Variants in ISOC2 observed in about 807,000 individuals in gnomAD.
ISOC2 encodes the protein isochorismatase domain containing 2.
A neutral mutation model predicts 19.3 loss-of-function variants in ISOC2; 15 were observed. The ratio of observed to expected loss-of-function variants is 0.78; its 90% CI spans 0.52 to 1.20. The LOEUF (loss-of-function observed/expected upper bound fraction) is 1.20, where lower values mean the gene tolerates loss of function less well. Ranked by LOEUF, ISOC2 falls within the 50% of genes most tolerant of loss-of-function variation. The pLI is 0.00. For synonymous variants in ISOC2, 106 were observed against 115.8 expected (o/e 0.92, Z 0.54); for missense variants, 285 against 272.4 (o/e 1.05, Z -0.33).
At position 55,455,532 on chromosome 19, in the gene ISOC2, G is replaced by A. The variant is rs559416092; in HGVS notation, c.348+104C>T. ...GAGAGAGGGCCCAGGTCAGGATGGGGGTCCTGCAGGGAAGTGGAGGTTTCT... is the reference window on the plus strand; with the variant it reads ...GAGAGAGGGCCCAGGTCAGGATGGGAGTCCTGCAGGGAAGTGGAGGTTTCT... On this transcript the variant is annotated intron_variant, in intron 3 of 5. Coordinates refer to ENST00000425675, the MANE Select transcript of ISOC2 (RefSeq NM_001136201.2). 4 of 1,121,474 alleles carry A rather than the reference G, an allele frequency of 3.6e-6. No individual in the cohort carries two copies. The South Asian group carries it at 6.2e-5, about 17-fold the overall frequency. The allele number at this position is 1,121,474 out of a possible 1,614,324, so 69.5% of individuals were successfully genotyped here.
intron 4 of ISOC2, 44 bp from the exon 5 acceptor site, chr19:55,455,150 A>C: frequency 6.3e-7 from 1 of 1,588,022 alleles, no homozygotes; most frequent in Non-Finnish European, 8.6e-7. Flanking sequence ...TGGACGCCGC[A>C]GTCTGGACAC....
intron 1 of ISOC2, among the ~76,000 whole-genome samples, chr19:55,457,857 A>C (rs1443492316): frequency 2.6e-5 from 4 of 151,542 alleles, no homozygotes; most frequent in Admixed American, 6.6e-5. Flanking sequence ...AGAGAAAGAA[A>C]GCAGATGATT....
intron 1 of ISOC2, among the ~76,000 whole-genome samples, chr19:55,456,940 G>C (rs1385905137): frequency 6.6e-6 from 1 of 151,992 alleles, no homozygotes; most frequent in African/African-American, 2.4e-5. Flanking sequence ...CATCAGCCCC[G>C]GTTACTATCA....
intron 1 of ISOC2, among the ~76,000 whole-genome samples, chr19:55,457,831 C>CAA (rs58948220): frequency 0.14 from 17,444 of 122,096 alleles, 1,489 homozygotes; most frequent in Non-Finnish European, 0.2. Flanking sequence ...AACTCCATCT[C>CAA]AAAAAAAAAA....
At chr19:55,459,784 G>C (rs1481681135) in intron 1 of ISOC2, 10 of 151,414 alleles carry the variant, frequency 6.6e-5, no homozygotes, top group Admixed American at 3.3e-4. Context: ...GGCCCCAAGG[G>C]ATGGTTCTGA....
At chr19:55,454,832 T>G in intron 5 of ISOC2, 157 bp downstream of exon 5, 1 of 666,806 alleles carries the variant, frequency 1.5e-6, no homozygotes, top group Non-Finnish European at 2.7e-6. Context: ...GCTCCTTTCA[T>G]GGATTTATGG....
chr19:55,453,490 C>A, intron 5 of ISOC2, 102 bp from the exon 6 acceptor site: 2 of 792,160 alleles, frequency 2.5e-6, no homozygotes, highest in Non-Finnish European at 3.8e-6. Flanking sequence ...CTCGGACCTT[C>A]TGGCTAGCAG....
chr19:55,455,903 ACTCCTGGGTCTGAGGGAGGAGGGG>A, intron 2 of ISOC2, 58 bp from the exon 3 acceptor site: 1 of 1,394,796 alleles, frequency 7.2e-7, no homozygotes. Flanking sequence ...CTGGGCCTGG[ACTCCTGGGTCTGAGGGAGGAGGGG>A]CTGGGCCTGG....
intron 1 of ISOC2, chr19:55,460,157 G>A (rs1986190114): frequency 6.6e-6 from 1 of 152,224 alleles, no homozygotes; most frequent in Non-Finnish European, 1.5e-5. Context: ...TCCACAATGA[G>A]GGTACTGGTT....
At chr19:55,455,444 G>T in intron 3 of ISOC2, 114 bp from the exon 4 acceptor site, 2 of 1,425,548 alleles carry the variant, frequency 1.4e-6, no homozygotes, top group Non-Finnish European at 2.0e-6. Flanking sequence ...GGGAGGCTCG[G>T]ATCAGAGGAA....
In ISOC2 at chr19:55,454,888, C is replaced by T. The variant is rs906540266; in HGVS notation, c.537+101G>A. 1.0e-5 allele frequency: 9 copies of T among 879,270 alleles called. No homozygotes were observed. In the African/African-American group the frequency reaches 1.5e-4, roughly 14 times the overall value. The allele number at this position is 879,270 out of a possible 1,614,324, so 54.5% of individuals were successfully genotyped here. ...CTCCCCTCCAAGAACCTGGCTCCCCCTGGAGGCGGCAGCCTGCTGGTGCCG... is the reference window on the plus strand; with the variant it reads ...CTCCCCTCCAAGAACCTGGCTCCCCTTGGAGGCGGCAGCCTGCTGGTGCCG... On this transcript the variant is annotated intron_variant, in intron 5 of 5. Transcript: ENST00000425675.
chr19:55,458,287 C>A (rs1038746665), intron 1 of ISOC2, among the ~76,000 whole-genome samples: 1 of 152,162 alleles, frequency 6.6e-6, no homozygotes, highest in Non-Finnish European at 1.5e-5. Flanking sequence ...CACGTCTTGG[C>A]CTACGTCCCT....
intron 3 of ISOC2, 113 bp from the exon 4 acceptor site, chr19:55,455,443 G>A (rs960812833): frequency 1.4e-5 from 20 of 1,421,654 alleles, no homozygotes; most frequent in Middle Eastern, 1.8e-4. Flanking sequence ...AGGGAGGCTC[G>A]GATCAGAGGA....
chr19:55,461,534 C>T lies in ISOC2; in HGVS notation c.-26G>A, dbSNP rs1270272458. ...TACCCGGAAGGTGCCGGGTTCGAGC[C>T]CGGAACGGCCCCTCTGCAGGTGAGG... On this transcript the variant is annotated 5_prime_UTR_variant, in exon 1 of 6. Transcript: ENST00000425675. 1 of 152,272 alleles carries T rather than the reference C, an allele frequency of 6.6e-6. No individual in the cohort carries two copies. Among genetic ancestry groups the T allele is most frequent in the East Asian group, 1.9e-4 (1 of 5,188 alleles). 9.4% of individuals were successfully genotyped at this position (152,272 alleles called of 1,614,324 possible).
rs1986012470 is a variant in ISOC2, at chr19:55,455,308, T to C, written c.371A>G (p.Asp124Gly). The C allele has an allele frequency of 1.2e-6, 2 of 1,613,880 alleles. No homozygotes were observed. The highest frequency in any genetic ancestry group is 1.7e-6 in the Non-Finnish European group (2 of 1,179,914). ...CACCACATGGACCTGCAGCCCCCGGTCTAGGAGGTCCAGGGTCGTGTTCTG... is the reference window on the plus strand; with the variant it reads ...CACCACATGGACCTGCAGCCCCCGGCCTAGGAGGTCCAGGGTCGTGTTCTG... ...CILNTTLDLL[D>G]RGLQVHVVVD... The change falls in exon 4 of 6, where the codon GAC (aspartate) becomes GGC (glycine). Residue 124 changes from aspartate (D) to glycine (G), a missense_variant. By Grantham distance (94) the Asp-to-Gly change is moderately conservative. Transcript: ENST00000425675.
At position 55,456,331 on chromosome 19, in the gene ISOC2, G is replaced by A. The variant is rs1478580101; in HGVS notation, c.138+18C>T. On this transcript the variant is annotated intron_variant, in intron 2 of 5. Transcript: ENST00000425675. Reference sequence around the variant, plus strand: ...GAGCCTGGATCCTGGGTCTGAGGGTGGGGGGCTGAGGTCATACCTTGAGCA... The same window carrying A: ...GAGCCTGGATCCTGGGTCTGAGGGTAGGGGGCTGAGGTCATACCTTGAGCA... 2.5e-6 allele frequency: 4 copies of A among 1,610,970 alleles called. No homozygotes were observed. The highest frequency in any genetic ancestry group is 2.7e-5 in the African/African-American group (2 of 74,792).
At chr19:55,456,541 T>A (rs867025754) in intron 1 of ISOC2, 52 bp from the exon 2 acceptor site, 2 of 1,597,090 alleles carry the variant, frequency 1.3e-6, no homozygotes, top group Middle Eastern at 1.7e-4. Flanking sequence ...CCTCTCAGTG[T>A]CTCCAGCTGG....
chr19:55,460,625 C>G (rs1416765943), intron 1 of ISOC2, among the ~76,000 whole-genome samples: 1 of 152,214 alleles, frequency 6.6e-6, no homozygotes, highest in Non-Finnish European at 1.5e-5. Context: ...GGCGGGAGAT[C>G]CTGGGATGTG....
At position 55,456,410 on chromosome 19, in the gene ISOC2, T is replaced by G. The variant is rs1405323915; in HGVS notation, c.77A>C (p.Lys26Thr). 1.2e-6 allele frequency: 2 copies of G among 1,613,814 alleles called. No individual in the cohort carries two copies. Among genetic ancestry groups the G allele is most frequent in the African/African-American group, 2.7e-5 (2 of 74,954 alleles). Reference sequence around the variant, plus strand: ...GAAGTAGGCGATGTTGTGGCGGAACTTCTCCTGCATGTCACACAGGAACAG... The same window carrying G: ...GAAGTAGGCGATGTTGTGGCGGAACGTCTCCTGCATGTCACACAGGAACAG... ...SVLFLCDMQEKFRHNIAYFPQ... is the reference protein window; with the variant it reads ...SVLFLCDMQETFRHNIAYFPQ... Residue 26 changes from lysine (K) to threonine (T), a missense_variant, in exon 2 of 6, where the codon AAG becomes ACG. Coordinates refer to ENST00000425675, the MANE Select transcript of ISOC2 (RefSeq NM_001136201.2).
Sources: allele counts gnomAD v4.1 joint callset (sites outside exome capture counted in the v4.1 genomes callset), GRCh38; gene constraint gnomAD v4.1.1; transcripts MANE v1.5; gene names NCBI Gene and HGNC (gene_info 2026-07-23, HGNC 2026-07-21).